The following TDRD7 variants were observed in gnomAD, a reference collection of about 807,000 sequenced individuals.
TDRD7 encodes tudor domain containing 7, also known as tudor domain-containing protein 7.
TDRD7 carries 47 observed loss-of-function variants against 109.8 expected under a neutral mutation model. That is an observed-to-expected ratio of 0.43 (90% CI 0.34 to 0.55). TDRD7 has a LOEUF of 0.55. Ranked by LOEUF, TDRD7 falls within the 20% of genes least tolerant of loss-of-function variation. The pLI, the probability that TDRD7 is intolerant of heterozygous loss-of-function variation, is 0.03. For missense variants in TDRD7, 1,164 were observed against 1,319.2 expected, an observed-to-expected ratio of 0.88 and a Z score of 1.82; for synonymous variants, 424 against 457.3, an observed-to-expected ratio of 0.93 and a Z score of 0.93.
chr9:97,480,661 G>A, intron 13 of TDRD7, 167 bp from the exon 14 acceptor site: 1 of 676,134 alleles, frequency 1.5e-6, no homozygotes, highest in Admixed American at 2.0e-5. Flanking sequence ...AATAGAGTTA[G>A]GAACATAGCA....
intron 6 of TDRD7, among the ~76,000 whole-genome samples, chr9:97,445,087 G>A (rs561537294): frequency 1.3e-5 from 2 of 152,312 alleles, no homozygotes; most frequent in South Asian, 4.1e-4. Context: ...CAGCTCCAAG[G>A]TATTCCTAGA....
In TDRD7 at chr9:97,412,477, G is replaced by A. The variant is rs973991646; in HGVS notation, c.-7+239G>A. The stretch of plus-strand genomic sequence containing the variant: ...GAGCGTTGTGTTTTAAATCTCTGAA[G>A]GGACCCTGCTCCGGGCCGGGCGTTC... On this transcript the variant is annotated intron_variant, in intron 1 of 16. Transcript: ENST00000355295. This position sits in a 1 kb window ranked among gnomAD's most constrained non-coding sequence, Gnocchi z 4.3. 6.6e-6 allele frequency among the ~76,000 whole-genome samples: 1 copy of A among 152,152 alleles called. No individual in the cohort carries two copies. Among genetic ancestry groups the A allele is most frequent in the African/African-American group, 2.4e-5 (1 of 41,436 alleles).
intron 16 of TDRD7, among the ~76,000 whole-genome samples, chr9:97,494,655 TG>T (rs1482720228): frequency 1.3e-5 from 2 of 150,584 alleles, no homozygotes; most frequent in African/African-American, 4.9e-5. Flanking sequence ...CCAGTATATG[TG>T]GACTTAATTG....
intron 1 of TDRD7, among the ~76,000 whole-genome samples, chr9:97,423,211 G>A (rs553011409): frequency 5.9e-5 from 9 of 152,234 alleles, no homozygotes; most frequent in African/African-American, 1.9e-4. Flanking sequence ...AATAGCTATA[G>A]GGATATTTGA....
intron 1 of TDRD7, among the ~76,000 whole-genome samples, chr9:97,423,853 A>G (rs1827939643): frequency 6.6e-6 from 1 of 152,072 alleles, no homozygotes; most frequent in Non-Finnish European, 1.5e-5. Context: ...ATTTTGTTCT[A>G]TTCACAGAAT....
At chr9:97,432,276 A>G (rs1828118228) in intron 4 of TDRD7, 38 bp downstream of exon 4, 2 of 1,557,314 alleles carry the variant, frequency 1.3e-6, no homozygotes, top group African/African-American at 1.4e-5. Context: ...TGGTGAATCT[A>G]GGGTAAAAAG....
At chr9:97,446,804 G>A (rs940779757) in intron 6 of TDRD7, among the ~76,000 whole-genome samples, 1 of 152,076 alleles carries the variant, frequency 6.6e-6, no homozygotes, top group South Asian at 2.1e-4. Flanking sequence ...AAAATGAATT[G>A]CCTTTTTAAA....
chr9:97,432,424 C>T (rs1469946415), intron 4 of TDRD7, among the ~76,000 whole-genome samples, 186 bp downstream of exon 4: 4 of 152,210 alleles, frequency 2.6e-5, no homozygotes, highest in Non-Finnish European at 5.9e-5. Context: ...CATCTCTATT[C>T]TATATTTTCT....
intron 5 of TDRD7, among the ~76,000 whole-genome samples, chr9:97,441,221 A>G (rs951833495): frequency 1.3e-5 from 2 of 152,200 alleles, no homozygotes; most frequent in Admixed American, 6.5e-5. Context: ...TATAAGATCA[A>G]AAAGTTATTT....
intron 15 of TDRD7, among the ~76,000 whole-genome samples, chr9:97,485,990 T>G (rs1274342636): frequency 6.6e-6 from 1 of 152,212 alleles, no homozygotes; most frequent in Non-Finnish European, 1.5e-5. Flanking sequence ...AAGCTGACCT[T>G]TTTGTTTCGG....
At chr9:97,424,566 A>T (rs1827955080) in intron 1 of TDRD7, among the ~76,000 whole-genome samples, 1 of 152,208 alleles carries the variant, frequency 6.6e-6, no homozygotes, top group Non-Finnish European at 1.5e-5. Flanking sequence ...CTTAATCATT[A>T]TGTAATGTCT....
intron 1 of TDRD7, among the ~76,000 whole-genome samples, chr9:97,426,903 A>G (rs1828006042): frequency 6.6e-6 from 1 of 152,206 alleles, no homozygotes; most frequent in Non-Finnish European, 1.5e-5. Flanking sequence ...GTGTTTTCTA[A>G]GCCAGAGAAA....
chr9:97,413,800 G>A (rs1031403588), intron 1 of TDRD7, among the ~76,000 whole-genome samples: 1 of 152,202 alleles, frequency 6.6e-6, no homozygotes, highest in Non-Finnish European at 1.5e-5. Context: ...AGTTGGCAGT[G>A]CCTTCAGATT....
In TDRD7 at chr9:97,430,942, T is replaced by C. The variant is rs1828093694; in HGVS notation, c.217T>C (p.Tyr73His). Residue 73 changes from tyrosine to histidine, a missense_variant, in exon 3 of 17, where the codon TAT becomes CAT. By Grantham distance (83) the Tyr-to-His change is moderately conservative. Coordinates refer to ENST00000355295, the MANE Select transcript of TDRD7 (RefSeq NM_014290.3). ...ETSRSGEITC[Y>H]AMACTETARI... ...TGCCTCTAATGAATAGATTACCTGC[T>C]ATGCCATGGCCTGCACAGAAACTGC... is the stretch of plus-strand genomic sequence containing the variant. The C allele has an allele frequency of 6.2e-7, 1 of 1,613,828 alleles. No individual in the cohort carries two copies. The highest frequency in any genetic ancestry group is 8.5e-7 in the Non-Finnish European group (1 of 1,179,794).
intron 1 of TDRD7, among the ~76,000 whole-genome samples, chr9:97,423,255 A>G (rs1430576946): frequency 6.6e-6 from 1 of 152,146 alleles, no homozygotes; most frequent in Non-Finnish European, 1.5e-5. Context: ...AAGCTTTGAC[A>G]TTTGTGTCTT....
At chr9:97,464,618 A>G (rs951515828) in intron 7 of TDRD7, among the ~76,000 whole-genome samples, 1 of 152,172 alleles carries the variant, frequency 6.6e-6, no homozygotes, top group African/African-American at 2.4e-5. Context: ...GGCCTCCCAG[A>G]GTGCTGGGAT....
chr9:97,493,863 C>T (rs907842359), intron 16 of TDRD7, among the ~76,000 whole-genome samples: 9 of 152,320 alleles, frequency 5.9e-5, no homozygotes, highest in South Asian at 2.1e-4. Context: ...GGCTCTGTTC[C>T]GCCCGGCTTA....
chr9:97,470,454 C>T, intron 8 of TDRD7, 104 bp from the exon 9 acceptor site: 1 of 1,102,860 alleles, frequency 9.1e-7, no homozygotes, highest in Non-Finnish European at 1.4e-6. Flanking sequence ...CACTCTGCCA[C>T]TCAGCTTGCT....
chr9:97,483,395 T>C (rs1278040126), intron 15 of TDRD7, 44 bp downstream of exon 15: 1 of 1,605,782 alleles, frequency 6.2e-7, no homozygotes. Flanking sequence ...CTAAGAAAAA[T>C]GTGTAAAATG....
Sources: allele counts gnomAD v4.1 joint callset (sites outside exome capture counted in the v4.1 genomes callset), GRCh38; gene constraint gnomAD v4.1.1; non-coding constraint Gnocchi (gnomAD v3.1); transcripts MANE v1.5; gene names NCBI Gene and HGNC (gene_info 2026-07-23, HGNC 2026-07-21).